Variants in NIPA1 observed in about 807,000 individuals in gnomAD.
NIPA1 encodes the protein NIPA magnesium transporter 1.
In NIPA1, 13 loss-of-function variants were observed where a neutral mutation model predicts 23.9. That is an observed-to-expected ratio of 0.54 (90% CI 0.35 to 0.87). NIPA1 has a LOEUF of 0.87. NIPA1 is among the 40% of genes least tolerant of loss of function. The pLI, the probability that NIPA1 is intolerant of heterozygous loss-of-function variation, is 0.01. For missense variants in NIPA1, 362 were observed against 429.7 expected, an observed-to-expected ratio of 0.84 and a Z score of 1.39; for synonymous variants, 234 against 202.9, an observed-to-expected ratio of 1.15 and a Z score of -1.30.
Position 22,805,370 on chromosome 15 carries a change from T to G in NIPA1, c.179-5379T>G, listed in dbSNP as rs72699912. 8.3e-3 allele frequency among the ~76,000 whole-genome samples: 1,266 copies of G among 152,250 alleles called. 12 individuals carry two copies. Among genetic ancestry groups the G allele is most frequent in the Non-Finnish European group, 0.012 (822 of 68,018 alleles). ...TGTGCCGGTGTCAGGAAAGAATATT[T>G]ATTTATTCTTAGTCCTTCTTAGAGA... On this transcript the variant is annotated intron_variant, in intron 1 of 4. Coordinates refer to ENST00000337435, the MANE Select transcript of NIPA1 (RefSeq NM_144599.5).
chr15:22,823,586 G>A, intron 4 of NIPA1, 142 bp from the exon 5 acceptor site: 2 of 756,994 alleles, frequency 2.6e-6, no homozygotes, highest in Non-Finnish European at 2.2e-6. Context: ...TCAAGCCAGA[G>A]CCCACATGCT....
rs997288432 is a variant in NIPA1 at position 22,802,356 on chromosome 15, C to T, written c.179-8393C>T. Among the ~76,000 whole-genome samples the T allele has an allele frequency of 3.2e-4, 47 of 148,680 alleles. No homozygotes were observed. The Admixed American group carries it at 3.2e-3, about 10-fold the overall frequency. Reference sequence around the variant, plus strand: ...GTGGTGAGCCGAGATCACGCCACTGCCCTTCAACCTGGGCGACAGAGTGAG... The same window carrying T: ...GTGGTGAGCCGAGATCACGCCACTGTCCTTCAACCTGGGCGACAGAGTGAG... On this transcript the variant is annotated intron_variant, in intron 1 of 4. Coordinates refer to ENST00000337435, the MANE Select transcript of NIPA1 (RefSeq NM_144599.5).
At chr15:22,792,681 T>C (rs1894857832) in intron 1 of NIPA1, among the ~76,000 whole-genome samples, 1 of 151,822 alleles carries the variant, frequency 6.6e-6, no homozygotes, top group Non-Finnish European at 1.5e-5. Flanking sequence ...GGGCTGGGCA[T>C]GGTGGCTCAC....
At chr15:22,789,984 G>A (rs979362288) in intron 1 of NIPA1, among the ~76,000 whole-genome samples, 2 of 152,086 alleles carry the variant, frequency 1.3e-5, no homozygotes, top group African/African-American at 4.8e-5. Context: ...AGCAGAGACG[G>A]GGTTTCACCA....
At chr15:22,798,673 C>T (rs1894995769) in intron 1 of NIPA1, among the ~76,000 whole-genome samples, 1 of 149,628 alleles carries the variant, frequency 6.7e-6, no homozygotes, top group South Asian at 2.1e-4. Context: ...ACGGTGAATC[C>T]CCGTCTCTAC....
rs531550505 is a variant in NIPA1 at position 22,786,677 on chromosome 15, A to AGCG, written c.45_47dup (p.Ala16dup). On this transcript the variant is annotated inframe_insertion, in exon 1 of 5. Coordinates refer to ENST00000337435, the MANE Select transcript of NIPA1 (RefSeq NM_144599.5). ...GCGGAATGGGGACTGCAGCTGCGGC[A>AGCG]GCGGCGGCGGCGGCGGCGGCGGCGG... is the stretch of plus-strand genomic sequence containing the variant. 6,544 of 1,071,258 alleles carry AGCG rather than the reference A, an allele frequency of 6.1e-3. 34 individuals are homozygous for AGCG. The highest frequency in any genetic ancestry group is 0.022 in the South Asian group (575 of 26,476). 66.4% of individuals were successfully genotyped at this position (1,071,258 alleles called of 1,614,324 possible). A position where few individuals can be genotyped will look rare whatever the true frequency, so the allele number is the denominator to read the frequency against.
intron 1 of NIPA1, among the ~76,000 whole-genome samples, chr15:22,807,804 G>GTGTGTGT (rs1895240688): frequency 2.0e-5 from 3 of 150,704 alleles, no homozygotes; most frequent in South Asian, 2.1e-4. Context: ...GTGTGTGTGT[G>GTGTGTGT]ATGGAGTCTC....
Position 22,826,796 on chromosome 15 carries a change from G to C in NIPA1, c.*2557G>C, listed in dbSNP as rs1895662101. 6.6e-6 allele frequency: 1 copy of C among 152,136 alleles called. No homozygotes were observed. The highest frequency in any genetic ancestry group is 2.4e-5 in the African/African-American group (1 of 41,422). 9.4% of individuals were successfully genotyped at this position (152,136 alleles called of 1,614,324 possible). ...TTACCTCTGTTCAGCAGATACTTCA[G>C]TAGGATACATAGCTTTTCTTCCAGT... On this transcript the variant is annotated 3_prime_UTR_variant, in exon 5 of 5. Transcript: ENST00000337435.
intron 2 of NIPA1, among the ~76,000 whole-genome samples, chr15:22,811,907 C>T (rs1895324833): frequency 6.6e-6 from 1 of 152,214 alleles, no homozygotes; most frequent in Admixed American, 6.5e-5. Flanking sequence ...GTGCTGCGCC[C>T]ATTTCAGTCA....
Position 22,788,498 on chromosome 15 carries a change from C to CAAAAAAAAAAAAAAAAAAAAA in NIPA1, c.178+1681_178+1682insAAAAAAAAAAAAAAAAAAAAA, listed in dbSNP as rs905296655. Among the ~76,000 whole-genome samples the CAAAAAAAAAAAAAAAAAAAAA allele has an allele frequency of 2.7e-4, 24 of 89,566 alleles. 2 individuals carry two copies. The highest frequency in any genetic ancestry group is 4.9e-4 in the Non-Finnish European group (21 of 42,780). 58.8% of individuals were successfully genotyped at this position (89,566 alleles called of 152,430 possible). A position where few individuals can be genotyped will look rare whatever the true frequency, so the allele number is the denominator to read the frequency against. On this transcript the variant is annotated intron_variant, in intron 1 of 4. Coordinates refer to ENST00000337435, the MANE Select transcript of NIPA1 (RefSeq NM_144599.5). ...TGGGCGGCAGAGCAAGACTCCATCTCAAAAAAAAAAAAAAAAATCTTGCAG... is the reference window on the plus strand; with the variant it reads ...TGGGCGGCAGAGCAAGACTCCATCTCAAAAAAAAAAAAAAAAAAAAAAAAAAAAAAAAAAAAAATCTTGCAG...
chr15:22,812,002 C>T (rs1191820849), intron 2 of NIPA1, among the ~76,000 whole-genome samples, 161 bp from the exon 3 acceptor site: 1 of 152,220 alleles, frequency 6.6e-6, no homozygotes, highest in Non-Finnish European at 1.5e-5. Context: ...TTCCTGACCC[C>T]TGACCCCTTA....
In NIPA1 at chr15:22,826,637, A is replaced by G. The variant is rs188278999; in HGVS notation, c.*2398A>G. 1 of 152,258 alleles carries G rather than the reference A, an allele frequency of 6.6e-6. No individual in the cohort carries two copies. Among genetic ancestry groups the G allele is most frequent in the East Asian group, 1.9e-4 (1 of 5,190 alleles). The allele number at this position is 152,258 out of a possible 1,614,324, so 9.4% of individuals were successfully genotyped here. ...TTAGTATATTTTAATCCACAATTAT[A>G]CCATTGATACTGAGAGGTGATACCC... On this transcript the variant is annotated 3_prime_UTR_variant, in exon 5 of 5. Transcript: ENST00000337435.
At position 22,828,112 on chromosome 15, in the gene NIPA1, GGT is replaced by G. The variant is rs1271733109; in HGVS notation, c.*3876_*3877del. Reference sequence around the variant, plus strand: ...CGTGTTCTGAAGTTGTTCTTTTCATGGTGTCTGACACCGAGGGCGTTGTTCGT... The same window carrying G: ...CGTGTTCTGAAGTTGTTCTTTTCATGGTCTGACACCGAGGGCGTTGTTCGT... On this transcript the variant is annotated 3_prime_UTR_variant, in exon 5 of 5. Coordinates refer to ENST00000337435, the MANE Select transcript of NIPA1 (RefSeq NM_144599.5). 6.6e-6 allele frequency: 1 copy of G among 152,552 alleles called. No individual in the cohort carries two copies. Among genetic ancestry groups the G allele is most frequent in the Admixed American group, 6.6e-5 (1 of 15,266 alleles). 9.4% of individuals were successfully genotyped at this position (152,552 alleles called of 1,614,324 possible).
Position 22,825,495 on chromosome 15 carries a change from G to T in NIPA1, c.*1256G>T, listed in dbSNP as rs771167617. The T allele has an allele frequency of 1.3e-5, 2 of 152,220 alleles. No homozygotes were observed. Among genetic ancestry groups the T allele is most frequent in the East Asian group, 1.9e-4 (1 of 5,186 alleles). 9.4% of individuals were successfully genotyped at this position (152,220 alleles called of 1,614,324 possible). The stretch of plus-strand genomic sequence containing the variant: ...ATGAGGTATTATTTTATTTGTATTC[G>T]ATCTGTGTTACCTGGGATCCAGTAT... On this transcript the variant is annotated 3_prime_UTR_variant, in exon 5 of 5. Coordinates refer to ENST00000337435, the MANE Select transcript of NIPA1 (RefSeq NM_144599.5).
chr15:22,794,680 C>T lies in NIPA1; in HGVS notation c.178+7846C>T, dbSNP rs970153517. Among the ~76,000 whole-genome samples the T allele has an allele frequency of 5.3e-5, 8 of 152,236 alleles. No individual in the cohort carries two copies. In the South Asian group the frequency reaches 1.7e-3, roughly 32 times the overall value. ...CCATTTCGAGTCCCCAAGCCTTCCA[C>T]ACTTGCACTGGCTCTGGGGTGGATG... On this transcript the variant is annotated intron_variant, in intron 1 of 4. Transcript: ENST00000337435.
intron 1 of NIPA1, among the ~76,000 whole-genome samples, chr15:22,806,725 A>G (rs1056194201): frequency 2.0e-5 from 3 of 152,160 alleles, no homozygotes; most frequent in Admixed American, 2.0e-4. Context: ...GTTGTTTTAG[A>G]TATCCTCACA....
intron 1 of NIPA1, among the ~76,000 whole-genome samples, chr15:22,800,181 A>G (rs1895045895): frequency 6.6e-6 from 1 of 151,668 alleles, no homozygotes; most frequent in Non-Finnish European, 1.5e-5. Flanking sequence ...AACAACAACA[A>G]ATCATCCTTC....
At chr15:22,790,126 G>C (rs547135126) in intron 1 of NIPA1, among the ~76,000 whole-genome samples, 51 of 152,146 alleles carry the variant, frequency 3.4e-4, no homozygotes, top group African/African-American at 8.7e-4. Context: ...GAACAGGAAT[G>C]AAAGGAAGTA....
rs140574310 is a variant in NIPA1 at position 22,814,998 on chromosome 15, A to G, written c.317+2745A>G. On this transcript the variant is annotated intron_variant, in intron 3 of 4. Transcript: ENST00000337435. Reference sequence around the variant, plus strand: ...ACCTCCCAGATGCCAGTAGCACTCAACCTCCCCAAAATGTCTCCAGACACT... The same window carrying G: ...ACCTCCCAGATGCCAGTAGCACTCAGCCTCCCCAAAATGTCTCCAGACACT... Among the ~76,000 whole-genome samples the G allele has an allele frequency of 8.2e-3, 1,240 of 151,332 alleles. 23 individuals are homozygous for G. Among genetic ancestry groups the G allele is most frequent in the African/African-American group, 0.027 (1,112 of 41,136 alleles).
Sources: allele counts gnomAD v4.1 joint callset (sites outside exome capture counted in the v4.1 genomes callset), GRCh38; gene constraint gnomAD v4.1.1; transcripts MANE v1.5; gene names NCBI Gene and HGNC (gene_info 2026-07-23, HGNC 2026-07-21).